The following TMEM114 variants were observed in gnomAD, a reference collection of about 807,000 sequenced individuals.
TMEM114 encodes the protein claudin-26.
A neutral mutation model predicts 6.2 loss-of-function variants in TMEM114; 6 were observed. The ratio of observed to expected loss-of-function variants is 0.97; its 90% CI spans 0.53 to 1.91. The LOEUF is 1.91. Among genes scored for constraint, TMEM114 ranks in the 40% most tolerant of loss-of-function variants. The pLI is 0.01. For synonymous variants in TMEM114, 104 were observed against 73.0 expected (o/e 1.42, Z -2.16); for missense variants, 218 against 158.3 (o/e 1.38, Z -2.02).
intron 2 of TMEM114, among the ~76,000 whole-genome samples, chr16:8,549,673 A>C (rs1177208907): frequency 6.6e-6 from 1 of 151,986 alleles, no homozygotes; most frequent in Non-Finnish European, 1.5e-5. Context: ...AGGAAATGGT[A>C]GTGATTATCT....
chr16:8,570,587 C>T (rs1264951004), intron 3 of TMEM114, among the ~76,000 whole-genome samples: 1 of 152,200 alleles, frequency 6.6e-6, no homozygotes, highest in Non-Finnish European at 1.5e-5. Context: ...CTGTCTCTGC[C>T]TCCTAACGTG....
chr16:8,584,955 GA>G (rs1902273797), intron 2 of TMEM114, among the ~76,000 whole-genome samples: 1 of 146,916 alleles, frequency 6.8e-6, no homozygotes, highest in South Asian at 2.2e-4. Context: ...AGAAGAAGAA[GA>G]AAAGAAAAGA....
intron 2 of TMEM114, among the ~76,000 whole-genome samples, chr16:8,542,593 A>T (rs1198753224): frequency 6.6e-6 from 1 of 152,148 alleles, no homozygotes; most frequent in African/African-American, 2.4e-5. Flanking sequence ...TGGCTTTATA[A>T]CGTTCTAAAT....
downstream of TMEM114, among the ~76,000 whole-genome samples, chr16:8,536,130 C>G (rs1166995385): frequency 6.6e-6 from 1 of 151,270 alleles, no homozygotes; most frequent in Non-Finnish European, 1.5e-5. Flanking sequence ...GAGGCTGAGG[C>G]AGGACAATCA....
At chr16:8,587,728 G>T (rs1902359394) in intron 2 of TMEM114, among the ~76,000 whole-genome samples, 4 of 152,188 alleles carry the variant, frequency 2.6e-5, no homozygotes, top group Non-Finnish European at 5.9e-5. Context: ...TATAATCTCA[G>T]CACTTTTGAG....
At chr16:8,532,566 G>C in the TMEM114 span, among the ~76,000 whole-genome samples, 1 of 152,162 alleles carries the variant, frequency 6.6e-6, no homozygotes, top group African/African-American at 2.4e-5. Flanking sequence ...AGAGAACGAC[G>C]TGTCTCATTT....
intron 2 of TMEM114, among the ~76,000 whole-genome samples, chr16:8,540,779 T>C (rs1900494918): frequency 6.6e-6 from 1 of 152,226 alleles, no homozygotes; most frequent in Admixed American, 6.5e-5. Flanking sequence ...ATCACACGAA[T>C]AACTGCTAAA....
chr16:8,568,387 A>G (rs919842765), downstream of TMEM114, among the ~76,000 whole-genome samples: 5 of 151,582 alleles, frequency 3.3e-5, no homozygotes, highest in African/African-American at 1.2e-4. Context: ...TGTCAGCTAT[A>G]ATGATGACAA....
intron 2 of TMEM114, among the ~76,000 whole-genome samples, chr16:8,558,319 A>C (rs1307909728): frequency 6.6e-6 from 1 of 152,212 alleles, no homozygotes; most frequent in Non-Finnish European, 1.5e-5. Flanking sequence ...TGAGGACTCC[A>C]GTGGAGGATC....
At chr16:8,535,004 T>C (rs1053437618), downstream of TMEM114, among the ~76,000 whole-genome samples, 1 of 152,184 alleles carries the variant, frequency 6.6e-6, no homozygotes, top group African/African-American at 2.4e-5. Context: ...GACTTTCTCC[T>C]AACGTCAAGA....
At chr16:8,540,028 G>C (rs997323073) in intron 2 of TMEM114, among the ~76,000 whole-genome samples, 14 of 152,040 alleles carry the variant, frequency 9.2e-5, no homozygotes, top group Admixed American at 4.6e-4. Flanking sequence ...ACGTTGACCA[G>C]GCTGGTCTTG....
chr16:8,538,741 C>G (rs59651302), intron 2 of TMEM114, among the ~76,000 whole-genome samples: 44,064 of 151,916 alleles, frequency 0.29, 7,513 homozygotes, highest in Non-Finnish European at 0.39. Context: ...CTCCTGACCT[C>G]GTGATCCGCC....
chr16:8,560,930 C>T (rs912064321), intron 2 of TMEM114, among the ~76,000 whole-genome samples: 11 of 152,164 alleles, frequency 7.2e-5, no homozygotes, highest in African/African-American at 2.7e-4. Flanking sequence ...GGGGAGGCCT[C>T]ACAATCATGG....
intron 2 of TMEM114, among the ~76,000 whole-genome samples, chr16:8,545,713 G>A (rs1465682974): frequency 6.6e-6 from 1 of 152,192 alleles, no homozygotes; most frequent in African/African-American, 2.4e-5. Context: ...TTGAGAATCA[G>A]TGAGCTATCT....
At chr16:8,538,994 A>T (rs796640277) in intron 2 of TMEM114, among the ~76,000 whole-genome samples, 15 of 152,354 alleles carry the variant, frequency 9.8e-5, no homozygotes, top group African/African-American at 3.6e-4. Flanking sequence ...CTGGAATAAA[A>T]GGAGCTCAAT....
rs753250905 is a variant in TMEM114, at chr16:8,569,876, G to C, written c.569C>G (p.Ala190Gly). ...QVDISFGWSLALGWISFIAEL... is the reference protein window; with the variant it reads ...QVDISFGWSLGLGWISFIAEL... ...GGCGATGAAGCTGATCCAGCCCAGG[G>C]CCAGGGACCAGCCGAAGCTGATGTC... The change falls in exon 4 of 4, where the codon GCC becomes GGC. Residue 190 changes from alanine to glycine, a missense_variant. Physicochemically the swap from Ala to Gly is moderately conservative, Grantham distance 60 (BLOSUM62 0). Coordinates refer to ENST00000620492, the MANE Select transcript of TMEM114 (RefSeq NM_001146336.2). 25 of 1,551,066 alleles carry C rather than the reference G, an allele frequency of 1.6e-5. No homozygotes were observed. Among genetic ancestry groups the C allele is most frequent in the Non-Finnish European group, 2.1e-5 (24 of 1,146,968 alleles).
intron 2 of TMEM114, among the ~76,000 whole-genome samples, chr16:8,559,656 T>C (rs188853690): frequency 5.9e-5 from 9 of 152,306 alleles, no homozygotes; most frequent in East Asian, 3.9e-4. Context: ...AAGCATTTCA[T>C]TGAGGAAATA....
chr16:8,547,045 C>A (rs986796944), intron 2 of TMEM114, among the ~76,000 whole-genome samples: 1 of 152,164 alleles, frequency 6.6e-6, no homozygotes, highest in African/African-American at 2.4e-5. Flanking sequence ...GAATGTTTAT[C>A]CAGTCTGCAT....
chr16:8,573,337 C>T (rs965431468), intron 2 of TMEM114, among the ~76,000 whole-genome samples: 1 of 152,184 alleles, frequency 6.6e-6, no homozygotes, highest in African/African-American at 2.4e-5. Context: ...CTCTTGCCTC[C>T]TCTCTAGTAG....
Sources: allele counts gnomAD v4.1 joint callset (sites outside exome capture counted in the v4.1 genomes callset), GRCh38; gene constraint gnomAD v4.1.1; transcripts MANE v1.5; gene names NCBI Gene and HGNC (gene_info 2026-07-23, HGNC 2026-07-21).